UNC45B: variants seen among roughly 807,000 people sequenced by gnomAD.
UNC45B encodes the protein unc-45 myosin chaperone B.
Under a neutral mutation model 98.7 loss-of-function variants are expected in UNC45B, and 78 were observed. The ratio of observed to expected loss-of-function variants is 0.79; its 90% CI spans 0.66 to 0.95. The LOEUF is 0.95. Ranked by LOEUF, UNC45B falls within the 40% of genes least tolerant of loss-of-function variation. The pLI is 0.00. For synonymous variants in UNC45B, 462 were observed against 480.4 expected, an observed-to-expected ratio of 0.96 and a Z score of 0.50; for missense variants, 1,225 against 1,184.9, an observed-to-expected ratio of 1.03 and a Z score of -0.50.
At chr17:35,179,845 G>GT (rs2092261428) in intron 17 of UNC45B, among the ~76,000 whole-genome samples, 1 of 152,026 alleles carries the variant, frequency 6.6e-6, no homozygotes, top group Admixed American at 6.5e-5. Context: ...GCACGCACAT[G>GT]TATACCTATG....
Position 35,154,729 on chromosome 17 carries a change from C to T in UNC45B, c.627C>T (p.Gly209=). The change falls in exon 6 of 20, where the codon GGC becomes GGT. Residue 209 remains glycine, a synonymous_variant. Transcript: ENST00000394570. ...AVRTLSGMCS[G]HQARATVILH... ...GGACCCTGTCGGGCATGTGCAGCGG[C>T]CACCAAGCCAGAGTAAGTGCCCGGC... is the stretch of plus-strand genomic sequence containing the variant. 1 of 1,589,066 alleles carries T rather than the reference C, an allele frequency of 6.3e-7. No individual in the cohort carries two copies. The highest frequency in any genetic ancestry group is 8.5e-7 in the Non-Finnish European group (1 of 1,171,224).
At position 35,168,370 on chromosome 17, in the gene UNC45B, G is replaced by A; in HGVS notation, c.1452+9G>A. 1.5e-6 allele frequency: 2 copies of A among 1,334,356 alleles called. No individual in the cohort carries two copies. Among genetic ancestry groups the A allele is most frequent in the Non-Finnish European group, 1.9e-6 (2 of 1,032,994 alleles). The allele number at this position is 1,334,356 out of a possible 1,614,324, so 82.7% of individuals were successfully genotyped here. A position where few individuals can be genotyped will look rare whatever the true frequency, so the allele number is the denominator to read the frequency against. ...AGATCCGCACACTGGTGGTGAGTGG[G>A]CTCGGTACCACCCTCCTACTCAGTA... On this transcript the variant is annotated intron_variant, in intron 10 of 19. Transcript: ENST00000394570.
At chr17:35,184,738 A>G (rs1015128991) in intron 19 of UNC45B, among the ~76,000 whole-genome samples, 1 of 152,112 alleles carries the variant, frequency 6.6e-6, no homozygotes, top group Non-Finnish European at 1.5e-5. Flanking sequence ...ACCCTTCAGG[A>G]TTGCCAACCC....
intron 9 of UNC45B, chr17:35,167,118 T>C (rs2092146622): frequency 6.6e-6 from 1 of 151,980 alleles, no homozygotes; most frequent in Admixed American, 6.6e-5. Flanking sequence ...CAGAGGGGAG[T>C]GACTGGCCCA....
chr17:35,178,189 C>T (rs1009523891), intron 17 of UNC45B, among the ~76,000 whole-genome samples: 13 of 152,162 alleles, frequency 8.5e-5, no homozygotes, highest in South Asian at 2.1e-4. Context: ...TGTGAGCCAC[C>T]GCACCCAGCC....
In UNC45B at chr17:35,175,279, C is replaced by T. The variant is rs1215993797; in HGVS notation, c.1959-689C>T. ...TTACCTTGTTCTCAGAGATTAAAGG[C>T]ACAGTCTGTGTGCAGCCTGGCCAGG... On this transcript the variant is annotated intron_variant, in intron 14 of 19. Coordinates refer to ENST00000394570, the MANE Select transcript of UNC45B (RefSeq NM_001267052.2). Among the ~76,000 whole-genome samples the T allele has an allele frequency of 2.0e-5, 3 of 152,278 alleles. No individual in the cohort carries two copies. In the South Asian group the frequency reaches 6.2e-4, roughly 32 times the overall value.
chr17:35,182,197 G>C (rs1378954048), intron 18 of UNC45B, among the ~76,000 whole-genome samples: 4 of 151,220 alleles, frequency 2.6e-5, no homozygotes, highest in African/African-American at 9.7e-5. Flanking sequence ...TCAAGCAATT[G>C]TCCTGCCTCA....
rs146328967 is a variant in UNC45B at position 35,186,979 on chromosome 17, G to A, written c.*420G>A. ...TGCTGTTGTATTTGGATGCTGATCT[G>A]TGCTGTTTTCATGACCTCTCTCCCA... On this transcript the variant is annotated 3_prime_UTR_variant, in exon 20 of 20. Transcript: ENST00000394570. 5.2e-6 allele frequency: 1 copy of A among 191,178 alleles called. No individual in the cohort carries two copies. Among genetic ancestry groups the A allele is most frequent in the Non-Finnish European group, 1.1e-5 (1 of 90,352 alleles). 11.8% of individuals were successfully genotyped at this position (191,178 alleles called of 1,614,324 possible).
chr17:35,154,883 A>T (rs2092047776), intron 6 of UNC45B, 142 bp downstream of exon 6: 1 of 993,928 alleles, frequency 1.0e-6, no homozygotes, highest in South Asian at 2.1e-5. Context: ...TTTCCCTTTC[A>T]GTTGGAAATG....
chr17:35,174,641 G>A (rs1484533360), intron 14 of UNC45B, among the ~76,000 whole-genome samples: 1 of 151,978 alleles, frequency 6.6e-6, no homozygotes, highest in African/African-American at 2.4e-5. Flanking sequence ...GAAACATATT[G>A]AGACCCCATC....
Position 35,174,378 on chromosome 17 carries a change from G to A in UNC45B, c.1958+9G>A. 2.5e-6 allele frequency: 4 copies of A among 1,614,060 alleles called. No individual in the cohort carries two copies. The highest frequency in any genetic ancestry group is 3.4e-6 in the Non-Finnish European group (4 of 1,179,956). On this transcript the variant is annotated intron_variant, in intron 14 of 19. Coordinates refer to ENST00000394570, the MANE Select transcript of UNC45B (RefSeq NM_001267052.2). ...AAGGAGCTGCTGGCCAGGTGGGGCT[G>A]CAGTGGGCCAAGGCTTGGAACTAGG...
intron 3 of UNC45B, among the ~76,000 whole-genome samples, chr17:35,149,411 G>GGTTTT (rs974241668): frequency 1.3e-5 from 2 of 151,728 alleles, no homozygotes; most frequent in South Asian, 2.1e-4. Flanking sequence ...TTGTTTTTTG[G>GGTTTT]GTTTTGTTTT....
chr17:35,159,243 C>G (rs1298036985), intron 7 of UNC45B, 132 bp from the exon 8 acceptor site: 3 of 908,364 alleles, frequency 3.3e-6, no homozygotes, highest in Non-Finnish European at 5.0e-6. Context: ...ACACTATACT[C>G]CCCTGGGAAT....
rs761394004 is a variant in UNC45B, at chr17:35,159,577, A to C, written c.979+32A>C. ...AGAGGGGAAGGTTTGGGGCTTGCTCAAGCCTTTTAAGTGGGCACCAGGGCA... is the reference window on the plus strand; with the variant it reads ...AGAGGGGAAGGTTTGGGGCTTGCTCCAGCCTTTTAAGTGGGCACCAGGGCA... On this transcript the variant is annotated intron_variant, in intron 8 of 19. Coordinates refer to ENST00000394570, the MANE Select transcript of UNC45B (RefSeq NM_001267052.2). The C allele has an allele frequency of 1.9e-6, 3 of 1,600,080 alleles. No homozygotes were observed. In the South Asian group the frequency reaches 3.3e-5, roughly 18 times the overall value.
At chr17:35,155,031 T>A (rs962623509) in intron 6 of UNC45B, among the ~76,000 whole-genome samples, 1 of 152,260 alleles carries the variant, frequency 6.6e-6, no homozygotes, top group African/African-American at 2.4e-5. Context: ...TATCTCCATA[T>A]GGTCCTGCCA....
intron 3 of UNC45B, 37 bp downstream of exon 3, chr17:35,149,046 T>C (rs1432018094): frequency 6.2e-7 from 1 of 1,613,208 alleles, no homozygotes; most frequent in Non-Finnish European, 8.5e-7. Flanking sequence ...CCCTGTCACA[T>C]TCTCCTCTGC....
rs1229438775 is a variant in UNC45B, at chr17:35,188,565, C to T, written c.*2006C>T. 4 of 151,530 alleles carry T rather than the reference C, an allele frequency of 2.6e-5. No individual in the cohort carries two copies. Among genetic ancestry groups the T allele is most frequent in the African/African-American group, 9.7e-5 (4 of 41,186 alleles). The allele number at this position is 151,530 out of a possible 1,614,324, so 9.4% of individuals were successfully genotyped here. ...CATGGCTCACCGCAGCCTTGGTCTCCTGGGCTCAAGTGATCTTTCTACTTC... is the reference window on the plus strand; with the variant it reads ...CATGGCTCACCGCAGCCTTGGTCTCTTGGGCTCAAGTGATCTTTCTACTTC... On this transcript the variant is annotated 3_prime_UTR_variant, in exon 20 of 20. Coordinates refer to ENST00000394570, the MANE Select transcript of UNC45B (RefSeq NM_001267052.2).
chr17:35,173,902 C>T (rs1387638219), intron 13 of UNC45B, among the ~76,000 whole-genome samples: 2 of 151,182 alleles, frequency 1.3e-5, no homozygotes, highest in African/African-American at 4.9e-5. Flanking sequence ...AAGCTCTGCC[C>T]CCGGGTTCAT....
At chr17:35,154,079 C>A (rs990620077) in intron 5 of UNC45B, among the ~76,000 whole-genome samples, 11 of 152,102 alleles carry the variant, frequency 7.2e-5, no homozygotes, top group African/African-American at 2.7e-4. Context: ...AGAACTCAAA[C>A]CCAGGGCTTT....
Sources: gnomAD v4.1 joint callset for allele counts (sites outside exome capture counted in the v4.1 genomes callset) on GRCh38, gnomAD v4.1.1 for gene constraint, MANE v1.5 for transcripts, NCBI Gene and HGNC (gene_info 2026-07-23, HGNC 2026-07-21) for gene names.